The following HDAC8 variants were observed in gnomAD, a reference collection of about 807,000 sequenced individuals.
HDAC8 encodes the protein histone deacetylase-like 1.
Under a neutral mutation model 32.2 loss-of-function variants are expected in HDAC8, and 1 was observed. That is an observed-to-expected ratio of 0.03 (90% CI 0.01 to 0.15). The LOEUF (loss-of-function observed/expected upper bound fraction) is 0.15, where lower values mean the gene tolerates loss of function less well. Among genes scored for constraint, HDAC8 ranks in the 10% least tolerant of loss-of-function variants. The pLI, the probability that HDAC8 is intolerant of heterozygous loss-of-function variation, is 1.00. For missense variants in HDAC8, 117 were observed against 300.0 expected (o/e 0.39, Z 4.51); for synonymous variants, 108 against 113.9 (o/e 0.95, Z 0.33).
At chrX:72,480,303 A>T (rs1191245457) in intron 7 of HDAC8, 1 of 317,277 alleles carries the variant, frequency 3.2e-6, no homozygotes, top group African/African-American at 2.7e-5. Context: ...ACCCAACTGA[A>T]GAGAGGTAGA....
intron 4 of HDAC8, among the ~76,000 whole-genome samples, chrX:72,560,006 G>A (rs782744511): frequency 3.7e-4 from 40 of 106,727 alleles, no homozygotes; most frequent in African/African-American, 1.2e-3. Flanking sequence ...CTGCCCGGCC[G>A]CCCCGTCTGG....
chrX:72,350,645 T>G (rs1419978961), intron 10 of HDAC8, among the ~76,000 whole-genome samples: 4 of 112,498 alleles, frequency 3.6e-5, no homozygotes, highest in Admixed American at 9.4e-5. Flanking sequence ...CATATGTATA[T>G]GTACATTTAA....
chrX:72,498,049 T>C (rs1345125300), intron 4 of HDAC8, among the ~76,000 whole-genome samples: 1 of 110,340 alleles, frequency 9.1e-6, no homozygotes. Context: ...GGGAATTTTA[T>C]TTGTTGAGGT....
chrX:72,442,699 T>A (rs1302085987), intron 9 of HDAC8, among the ~76,000 whole-genome samples: 2 of 111,710 alleles, frequency 1.8e-5, no homozygotes, highest in East Asian at 5.6e-4. Context: ...TAACTTTAAA[T>A]GTAAATGGAC....
chrX:72,393,483 T>C (rs1274435481), intron 9 of HDAC8, among the ~76,000 whole-genome samples: 1 of 112,150 alleles, frequency 8.9e-6, no homozygotes, highest in African/African-American at 3.2e-5. Flanking sequence ...ATTCCACATG[T>C]AGCACATTCT....
intron 4 of HDAC8, among the ~76,000 whole-genome samples, chrX:72,523,575 C>T (rs2050045681): frequency 1.8e-5 from 2 of 111,236 alleles, no homozygotes; most frequent in Admixed American, 1.9e-4. Flanking sequence ...CCTCTGTTTG[C>T]CCCCTAAATG....
rs372990027 is a variant in HDAC8 at position 72,442,904 on chromosome X, G to A, written c.1005+19100C>T. ...TGCAATCCTAGTCTCTGATCAAACA[G>A]ACTTTAAACCAACAAAGATCAAAAG... On this transcript the variant is annotated intron_variant, in intron 9 of 10. Transcript: ENST00000373573. 1.9e-4 allele frequency among the ~76,000 whole-genome samples: 21 copies of A among 109,407 alleles called. No homozygotes were observed. The East Asian group carries it at 5.4e-3, about 28-fold the overall frequency.
intron 5 of HDAC8, 132 bp downstream of exon 5, chrX:72,495,024 C>T: frequency 2.2e-6 from 1 of 454,531 alleles, no homozygotes. Context: ...AATCACTACA[C>T]TACCTACTTT....
chrX:72,403,904 T>C (rs1436768988), intron 9 of HDAC8, among the ~76,000 whole-genome samples: 1 of 111,211 alleles, frequency 9.0e-6, no homozygotes, highest in Non-Finnish European at 1.9e-5. Context: ...ATGGGATCAA[T>C]TGTACCCCAA....
intron 7 of HDAC8, chrX:72,473,893 C>T (rs1376748166): frequency 2.7e-6 from 2 of 752,095 alleles, no homozygotes; most frequent in Non-Finnish European, 3.1e-6. Flanking sequence ...TCCAGCTCTT[C>T]CGTGATGTGG....
At chrX:72,467,515 G>T (rs1321873681) in intron 7 of HDAC8, 1 of 114,656 alleles carries the variant, frequency 8.7e-6, no homozygotes, top group Non-Finnish European at 1.8e-5. Context: ...GGAGAAGGAA[G>T]TATGCATGCA....
At position 72,344,724 on chromosome X, in the gene HDAC8, C is replaced by T. The variant is rs1392836807; in HGVS notation, c.1111+7009G>A. 9.0e-5 allele frequency among the ~76,000 whole-genome samples: 10 copies of T among 111,056 alleles called. No homozygotes were observed. The Admixed American group carries it at 9.6e-4, about 11-fold the overall frequency. ...GGAAATCTCAGAGTCACCTTTACTT[C>T]TTCCTTTCTCCCTGATCCTCTATAA... is the stretch of plus-strand genomic sequence containing the variant. On this transcript the variant is annotated intron_variant, in intron 10 of 10. Transcript: ENST00000373573.
Position 72,568,761 on chromosome X carries a change from A to G in HDAC8, c.288T>C (p.Tyr96=), listed in dbSNP as rs1556141971. The G allele has an allele frequency of 1.7e-6, 2 of 1,211,995 alleles. No homozygotes were observed. Among genetic ancestry groups the G allele is most frequent in the Non-Finnish European group, 1.1e-6 (1 of 895,408 alleles). ...GCCTGGTAATGACTTTACCTAGCCC[A>G]TATTCTATGGAGTCCGGATGATCAT... ...GDDDHPDSIE[Y]GLGYDCPATE... Residue 96 remains tyrosine (Y), a synonymous_variant, in exon 3 of 11, where the codon TAT becomes TAC. Coordinates refer to ENST00000373573, the MANE Select transcript of HDAC8 (RefSeq NM_018486.3).
At chrX:72,539,196 TCTACA>T (rs1483825032) in intron 4 of HDAC8, among the ~76,000 whole-genome samples, 1 of 111,103 alleles carries the variant, frequency 9.0e-6, no homozygotes, top group Non-Finnish European at 1.9e-5. Context: ...TTATGGAAAC[TCTACA>T]CTATCTGTGC....
intron 9 of HDAC8, among the ~76,000 whole-genome samples, chrX:72,447,258 C>T (rs2047432860): frequency 8.9e-6 from 1 of 112,192 alleles, no homozygotes; most frequent in Non-Finnish European, 1.9e-5. Context: ...TTGCCTTCAT[C>T]CCTGGGATGC....
At chrX:72,438,501 A>G (rs1434140383) in intron 9 of HDAC8, among the ~76,000 whole-genome samples, 1 of 111,778 alleles carries the variant, frequency 8.9e-6, no homozygotes, top group African/African-American at 3.3e-5. Context: ...AAGGTGGGTA[A>G]TAACAAACTC....
At chrX:72,511,438 C>T (rs1556021877) in intron 4 of HDAC8, among the ~76,000 whole-genome samples, 3 of 111,481 alleles carry the variant, frequency 2.7e-5, no homozygotes, top group African/African-American at 9.8e-5. Flanking sequence ...TTAAAAGCAC[C>T]GGCAAAGCAG....
intron 9 of HDAC8, among the ~76,000 whole-genome samples, chrX:72,398,583 C>T (rs781984112): frequency 1.8e-5 from 2 of 108,597 alleles, no homozygotes; most frequent in East Asian, 5.8e-4. Context: ...AATCCTCCTG[C>T]CTCGACCGAG....
At position 72,551,710 on chromosome X, in the gene HDAC8, G is replaced by A. The variant is rs781958550; in HGVS notation, c.437+16179C>T. 7.2e-5 allele frequency among the ~76,000 whole-genome samples: 8 copies of A among 111,842 alleles called. No homozygotes were observed. The South Asian group carries it at 3.0e-3, about 42-fold the overall frequency. The stretch of plus-strand genomic sequence containing the variant: ...ATTGTGAAAGCCTCCCCTGCCTCCA[G>A]TCTCAGTTCCCTCCAATCCAACCAG... On this transcript the variant is annotated intron_variant, in intron 4 of 10. Transcript: ENST00000373573.
Sources: allele counts gnomAD v4.1 joint callset (sites outside exome capture counted in the v4.1 genomes callset), GRCh38; gene constraint gnomAD v4.1.1; transcripts MANE v1.5; gene names NCBI Gene and HGNC (gene_info 2026-07-23, HGNC 2026-07-21).